Variants in GRAMD2B observed in about 807,000 individuals in gnomAD.
GRAMD2B encodes GRAM domain-containing protein 2B.
A neutral mutation model predicts 59.2 loss-of-function variants in GRAMD2B; 41 were observed. The ratio of observed to expected loss-of-function variants is 0.69; its 90% confidence interval spans 0.54 to 0.90. The LOEUF (loss-of-function observed/expected upper bound fraction) is 0.90, where lower values mean the gene tolerates loss of function less well. Among genes scored for constraint, GRAMD2B ranks in the 40% least tolerant of loss-of-function variants. GRAMD2B has a pLI of 0.00. For synonymous variants in GRAMD2B, 161 were observed against 182.7 expected (o/e 0.88, Z 0.96); for missense variants, 424 against 500.5 (o/e 0.85, Z 1.46).
intron 1 of GRAMD2B, among the ~76,000 whole-genome samples, chr5:126,438,118 C>T (rs920677598): frequency 2.6e-5 from 4 of 152,198 alleles, no homozygotes; most frequent in African/African-American, 9.7e-5. Flanking sequence ...TTTCCATGTT[C>T]TCCTAGCCCA....
At chr5:126,463,117 C>G (rs1027962108) in intron 1 of GRAMD2B, among the ~76,000 whole-genome samples, 7 of 152,192 alleles carry the variant, frequency 4.6e-5, no homozygotes, top group Non-Finnish European at 1.0e-4. Flanking sequence ...TTGCTGCCTT[C>G]TGACCTTGGT....
chr5:126,485,605 C>A, intron 10 of GRAMD2B, 81 bp from the exon 11 acceptor site: 2 of 768,048 alleles, frequency 2.6e-6, no homozygotes, highest in South Asian at 3.5e-5. Flanking sequence ...TTACCTCTCT[C>A]AAGTACCCCA....
At chr5:126,492,220 A>G (rs1774064046) in intron 13 of GRAMD2B, among the ~76,000 whole-genome samples, 1 of 150,848 alleles carries the variant, frequency 6.6e-6, no homozygotes, top group African/African-American at 2.5e-5. Context: ...GTTAAACATT[A>G]TTATGTGGGA....
At chr5:126,478,813 C>T (rs1490483475) in intron 6 of GRAMD2B, among the ~76,000 whole-genome samples, 1 of 152,188 alleles carries the variant, frequency 6.6e-6, no homozygotes, top group Non-Finnish European at 1.5e-5. Context: ...GTGAGGCAGG[C>T]AGGTTGATAG....
intron 1 of GRAMD2B, among the ~76,000 whole-genome samples, chr5:126,448,133 A>G (rs60731918): frequency 0.27 from 41,705 of 151,892 alleles, 6,030 homozygotes; most frequent in African/African-American, 0.37. Context: ...TGGGATTACA[A>G]GTGTGAGCCA....
chr5:126,486,795 C>A, intron 11 of GRAMD2B, 78 bp from the exon 12 acceptor site: 1 of 825,624 alleles, frequency 1.2e-6, no homozygotes, highest in South Asian at 1.5e-5. Flanking sequence ...GGGTGTACCA[C>A]ATTGGCACTG....
intron 1 of GRAMD2B, among the ~76,000 whole-genome samples, chr5:126,408,840 T>A (rs1227944174): frequency 1.4e-5 from 1 of 72,048 alleles, no homozygotes. Context: ...CCCTCCCCCC[T>A]CCCCCCACCC....
rs140678503 is a variant in GRAMD2B, at chr5:126,469,641, ATTATC to A, written c.204-31_204-27del. The A allele has an allele frequency of 5.9e-3, 8,639 of 1,453,160 alleles. 403 individuals are homozygous for A. In the African/African-American group the frequency reaches 0.1, roughly 17 times the overall value. The allele number at this position is 1,453,160 out of a possible 1,614,324, so 90.0% of individuals were successfully genotyped here. ...CAGAGCAAAACTGTCTCAAAAAAAA[ATTATC>A]TTATAGACACCCTGGACTTTCTTTC... On this transcript the variant is annotated intron_variant, in intron 2 of 13. Coordinates refer to ENST00000285689, the MANE Select transcript of GRAMD2B (RefSeq NM_023927.4).
At chr5:126,431,227 A>G (rs1761527384) in intron 1 of GRAMD2B, among the ~76,000 whole-genome samples, 1 of 152,098 alleles carries the variant, frequency 6.6e-6, no homozygotes, top group African/African-American at 2.4e-5. Context: ...AAATGTGTTG[A>G]ACTTGGCGAC....
At chr5:126,372,050 T>C (rs1004327710) in intron 1 of GRAMD2B, among the ~76,000 whole-genome samples, 1 of 152,222 alleles carries the variant, frequency 6.6e-6, no homozygotes, top group Non-Finnish European at 1.5e-5. Flanking sequence ...ACTTACTGCA[T>C]AGTGATTTAT....
At chr5:126,377,908 CATAAATAT>C (rs1241484700) in intron 1 of GRAMD2B, among the ~76,000 whole-genome samples, 4 of 152,146 alleles carry the variant, frequency 2.6e-5, no homozygotes, top group African/African-American at 9.7e-5. Context: ...TCATAATATA[CATAAATAT>C]ATAAAGTGGT....
intron 1 of GRAMD2B, among the ~76,000 whole-genome samples, chr5:126,434,158 TC>T: frequency 6.6e-6 from 1 of 152,218 alleles, no homozygotes; most frequent in East Asian, 1.9e-4. Flanking sequence ...TACATCCAAT[TC>T]AACATTTATT....
chr5:126,467,271 ATATAAAAATTATTAATTAATAATTTT>A, intron 2 of GRAMD2B, among the ~76,000 whole-genome samples: 1 of 152,216 alleles, frequency 6.6e-6, no homozygotes, highest in African/African-American at 2.4e-5. Flanking sequence ...CTTTGTCTCT[ATATAAAAATTATTAATTAATAATTTT>A]TACTTGTTTT....
At position 126,452,373 on chromosome 5, in the gene GRAMD2B, G is replaced by A. The variant is rs571452818; in HGVS notation, c.84-13053G>A. On this transcript the variant is annotated intron_variant, in intron 1 of 13. Coordinates refer to ENST00000285689, the MANE Select transcript of GRAMD2B (RefSeq NM_023927.4). ...CCCCACATCCTAATGCCTTCACCTCGGGGGTTAGAATTTCAACATGTAAAT... is the reference window on the plus strand; with the variant it reads ...CCCCACATCCTAATGCCTTCACCTCAGGGGTTAGAATTTCAACATGTAAAT... Among the ~76,000 whole-genome samples, 10 of 152,182 alleles carry A rather than the reference G, an allele frequency of 6.6e-5. No homozygotes were observed. In the South Asian group the frequency reaches 1.7e-3, roughly 25 times the overall value.
intron 1 of GRAMD2B, among the ~76,000 whole-genome samples, chr5:126,383,443 T>G (rs1339110132): frequency 1.3e-5 from 2 of 152,196 alleles, no homozygotes; most frequent in Non-Finnish European, 2.9e-5. Flanking sequence ...GAATGAGTGC[T>G]TATATATAGC....
chr5:126,470,624 T>C (rs1202568088), intron 3 of GRAMD2B, among the ~76,000 whole-genome samples: 2 of 152,048 alleles, frequency 1.3e-5, no homozygotes, highest in African/African-American at 4.8e-5. Flanking sequence ...AGTGCCACAA[T>C]CTTGGCTCAC....
At position 126,481,986 on chromosome 5, in the gene GRAMD2B, AG is replaced by A. The variant is rs753323759; in HGVS notation, c.735+1283del. On this transcript the variant is annotated intron_variant, in intron 8 of 13. Coordinates refer to ENST00000285689, the MANE Select transcript of GRAMD2B (RefSeq NM_023927.4). ...ACTCCATCTCAAAAAAAAAAAAAAA[AG>A]GGGAGATGAAGTACTGATACCTGCT... 6.3e-3 allele frequency among the ~76,000 whole-genome samples: 456 copies of A among 72,042 alleles called. 4 individuals carry two copies. The highest frequency in any genetic ancestry group is 0.055 in the Middle Eastern group (6 of 110). 47.3% of individuals were successfully genotyped at this position (72,042 alleles called of 152,430 possible). A position where few individuals can be genotyped will look rare whatever the true frequency, so the allele number is the denominator to read the frequency against.
chr5:126,487,382 T>G (rs192120892), intron 12 of GRAMD2B, among the ~76,000 whole-genome samples: 95 of 152,296 alleles, frequency 6.2e-4, no homozygotes, highest in South Asian at 6.2e-3. Flanking sequence ...TTATATTAAC[T>G]CACTTATTTG....
At position 126,480,667 on chromosome 5, in the gene GRAMD2B, A is replaced by C; in HGVS notation, c.695A>C (p.Glu232Ala). Residue 232 changes from glutamate to alanine, a missense_variant, in exon 8 of 14, where the codon GAA (glutamate) becomes GCA (alanine). Coordinates refer to ENST00000285689, the MANE Select transcript of GRAMD2B (RefSeq NM_023927.4). Reference protein sequence around the residue: ...VGNSPNPSSAENSFRADRPSS... With the variant: ...VGNSPNPSSAANSFRADRPSS... The stretch of plus-strand genomic sequence containing the variant: ...AACAGTCCCAATCCATCTTCTGCTG[A>C]AAACAGTTTCCGAGCAGACCGCCCT... 1 of 1,614,162 alleles carries C rather than the reference A, an allele frequency of 6.2e-7. No homozygotes were observed. Among genetic ancestry groups the C allele is most frequent in the African/African-American group, 1.3e-5 (1 of 75,052 alleles).
Sources: gnomAD v4.1 joint callset for allele counts (sites outside exome capture counted in the v4.1 genomes callset) on GRCh38, gnomAD v4.1.1 for gene constraint, MANE v1.5 for transcripts, NCBI Gene and HGNC (gene_info 2026-07-23, HGNC 2026-07-21) for gene names.